The following SPMIP4 variants were observed in gnomAD, a reference collection of about 807,000 sequenced individuals.
SPMIP4 encodes sperm-associated microtubule inner protein 4.
chr7:25,180,328 C>G, the SPMIP4 span: 2 of 152,378 alleles, frequency 1.3e-5, no homozygotes, highest in East Asian at 3.8e-4. Flanking sequence ...GAGTGCGAGG[C>G]GCCGGGTCGG....
the SPMIP4 span, among the ~76,000 whole-genome samples, chr7:25,143,583 CTTTT>C: frequency 7.2e-3 from 797 of 110,686 alleles, 9 homozygotes; most frequent in East Asian, 0.03. Flanking sequence ...AGTAAAGACA[CTTTT>C]TTTTTTTTTT....
chr7:25,155,481 T>C, the SPMIP4 span, among the ~76,000 whole-genome samples: 1 of 152,176 alleles, frequency 6.6e-6, no homozygotes, highest in Non-Finnish European at 1.5e-5. Flanking sequence ...ATAACTCGTA[T>C]AAAAAATATA....
the SPMIP4 span, among the ~76,000 whole-genome samples, chr7:25,140,785 C>A: frequency 6.6e-6 from 1 of 151,754 alleles, no homozygotes; most frequent in African/African-American, 2.4e-5. Context: ...ACGGGTCTCA[C>A]CATGTTGGCC....
chr7:25,136,109 T>C, the SPMIP4 span: 2 of 1,614,176 alleles, frequency 1.2e-6, no homozygotes, highest in Non-Finnish European at 1.7e-6. The surrounding 1 kb of genome is among the most constrained non-coding windows in gnomAD (Gnocchi z 5.7). Flanking sequence ...GAAAAAGAGT[T>C]CTTAAGCTCC....
At chr7:25,168,549 CA>C in the SPMIP4 span, 1 of 1,126,964 alleles carries the variant, frequency 8.9e-7, no homozygotes, top group Non-Finnish European at 1.2e-6. Flanking sequence ...AAATTCCTAC[CA>C]CTTCATAAGT....
the SPMIP4 span, among the ~76,000 whole-genome samples, chr7:25,178,106 C>T: frequency 6.6e-6 from 1 of 152,206 alleles, no homozygotes; most frequent in East Asian, 1.9e-4. Flanking sequence ...TAATGGCCTC[C>T]AGCTCCATCC....
chr7:25,169,051 T>C, the SPMIP4 span, among the ~76,000 whole-genome samples: 6 of 151,176 alleles, frequency 4.0e-5, no homozygotes, highest in Middle Eastern at 3.4e-3. Context: ...TAAAAACAGG[T>C]TTATTGAGAT....
At chr7:25,172,491 G>C in the SPMIP4 span, among the ~76,000 whole-genome samples, 1 of 152,180 alleles carries the variant, frequency 6.6e-6, no homozygotes. This position sits in a 1 kb window ranked among gnomAD's most constrained non-coding sequence, Gnocchi z 4.2. Context: ...AGCATGGCAT[G>C]GTGTGACTCT....
chr7:25,136,056 T>G, the SPMIP4 span: 1 of 1,614,048 alleles, frequency 6.2e-7, no homozygotes, highest in Non-Finnish European at 8.5e-7. This position sits in a 1 kb window ranked among gnomAD's most constrained non-coding sequence, Gnocchi z 5.7. Context: ...CTTTATGGTC[T>G]TCTAGAATTG....
the SPMIP4 span, chr7:25,168,486 C>G: frequency 6.4e-7 from 1 of 1,559,900 alleles, no homozygotes; most frequent in Admixed American, 2.2e-5. Flanking sequence ...AGAGAGACTT[C>G]AAAGAGCCTC....
chr7:25,150,960 T>C, the SPMIP4 span, among the ~76,000 whole-genome samples: 1 of 152,328 alleles, frequency 6.6e-6, no homozygotes, highest in South Asian at 2.1e-4. Flanking sequence ...CTTGCAAATC[T>C]TTCTGGAAAT....
the SPMIP4 span, chr7:25,155,004 A>G: frequency 1.2e-6 from 2 of 1,608,020 alleles, no homozygotes; most frequent in Non-Finnish European, 1.7e-6. Flanking sequence ...TCCAGGTCAC[A>G]TTTTACCTCT....
the SPMIP4 span, chr7:25,136,805 G>A: frequency 6.3e-7 from 1 of 1,593,940 alleles, no homozygotes; most frequent in South Asian, 1.1e-5. The surrounding 1 kb of genome is among the most constrained non-coding windows in gnomAD (Gnocchi z 5.7). Flanking sequence ...TGTAGTTGTG[G>A]GATAAAAAGG....
the SPMIP4 span, among the ~76,000 whole-genome samples, chr7:25,132,330 G>A: frequency 2.0e-5 from 3 of 152,104 alleles, no homozygotes; most frequent in Non-Finnish European, 4.4e-5. This position sits in a 1 kb window ranked among gnomAD's most constrained non-coding sequence, Gnocchi z 5.0. Flanking sequence ...ATTTTTAGTC[G>A]ACCTAGGAAA....
the SPMIP4 span, among the ~76,000 whole-genome samples, chr7:25,160,724 T>C: frequency 1.3e-5 from 2 of 152,262 alleles, no homozygotes; most frequent in Non-Finnish European, 2.9e-5. Context: ...AATTAACAAG[T>C]ATGCCTTACG....
chr7:25,180,130 G>A, the SPMIP4 span: 1 of 152,314 alleles, frequency 6.6e-6, no homozygotes, highest in Admixed American at 6.5e-5. Flanking sequence ...CGGGCAGGCC[G>A]GGGTGGGGTG....
the SPMIP4 span, among the ~76,000 whole-genome samples, chr7:25,163,701 AC>A: frequency 5.3e-5 from 8 of 152,252 alleles, no homozygotes; most frequent in South Asian, 1.4e-3. The surrounding 1 kb of genome is among the most constrained non-coding windows in gnomAD (Gnocchi z 4.4). Context: ...TGATAGGGTG[AC>A]CTATCCCTGG....
chr7:25,170,244 G>A, the SPMIP4 span, among the ~76,000 whole-genome samples: 1 of 152,150 alleles, frequency 6.6e-6, no homozygotes. Flanking sequence ...CATTCTAGTG[G>A]ATGTGAAGTG....
At chr7:25,144,792 G>C in the SPMIP4 span, among the ~76,000 whole-genome samples, 1 of 152,178 alleles carries the variant, frequency 6.6e-6, no homozygotes, top group Admixed American at 6.5e-5. Flanking sequence ...TGTGAGATTA[G>C]AGTGATTCCA....
Sources: gnomAD v4.1 joint callset for allele counts (sites outside exome capture counted in the v4.1 genomes callset) on GRCh38, gnomAD v4.1.1 for gene constraint, Gnocchi (gnomAD v3.1) non-coding constraint, MANE v1.5 for transcripts, NCBI Gene and HGNC (gene_info 2026-07-23, HGNC 2026-07-21) for gene names.